The following SMYD2 variants were observed in gnomAD, a reference collection of about 807,000 sequenced individuals.
SMYD2 encodes N-lysine methyltransferase SMYD2.
In SMYD2, 53 loss-of-function variants were observed where a neutral mutation model predicts 59.1. The ratio of observed to expected loss-of-function variants is 0.90; its 90% CI spans 0.72 to 1.13. The LOEUF (loss-of-function observed/expected upper bound fraction) is 1.13, where lower values mean the gene tolerates loss of function less well. Among genes scored for constraint, SMYD2 ranks in the 50% most tolerant of loss-of-function variants. The pLI is 0.00. For synonymous variants in SMYD2, 208 were observed against 198.8 expected, an observed-to-expected ratio of 1.05 and a Z score of -0.39; for missense variants, 494 against 544.7, an observed-to-expected ratio of 0.91 and a Z score of 0.93.
chr1:214,282,611 G>T (rs1049496792), intron 1 of SMYD2, among the ~76,000 whole-genome samples: 2 of 152,118 alleles, frequency 1.3e-5, no homozygotes, highest in African/African-American at 2.4e-5. Context: ...AGACCTGTGT[G>T]CCTCATTCTA....
At chr1:214,310,240 G>A (rs1391211748) in intron 2 of SMYD2, among the ~76,000 whole-genome samples, 2 of 152,184 alleles carry the variant, frequency 1.3e-5, no homozygotes, top group African/African-American at 2.4e-5. Flanking sequence ...ATTTTTGACT[G>A]TGCACGAAAG....
chr1:214,310,230 AT>A (rs1656977938), intron 2 of SMYD2, among the ~76,000 whole-genome samples: 1 of 152,238 alleles, frequency 6.6e-6, no homozygotes. Context: ...ATCTTTAAGC[AT>A]TTTTGACTGT....
intron 1 of SMYD2, among the ~76,000 whole-genome samples, chr1:214,295,657 G>A (rs559127061): frequency 4.6e-5 from 7 of 152,216 alleles, no homozygotes; most frequent in African/African-American, 1.4e-4. Context: ...GGTGCTGAGC[G>A]AAGGTTCAGC....
At chr1:214,319,799 G>A (rs544232767) in intron 5 of SMYD2, among the ~76,000 whole-genome samples, 1 of 152,272 alleles carries the variant, frequency 6.6e-6, no homozygotes, top group South Asian at 2.1e-4. Flanking sequence ...GACCTTCCCA[G>A]GTAGAGAAAT....
intron 1 of SMYD2, among the ~76,000 whole-genome samples, chr1:214,294,658 A>G (rs894140934): frequency 2.0e-5 from 3 of 152,188 alleles, no homozygotes; most frequent in Admixed American, 6.5e-5. Context: ...GTGACAGAGC[A>G]AGACCCTCTC....
intron 1 of SMYD2, among the ~76,000 whole-genome samples, chr1:214,297,551 T>G (rs1656754649): frequency 6.6e-6 from 1 of 152,106 alleles, no homozygotes; most frequent in Non-Finnish European, 1.5e-5. Flanking sequence ...TCATAGGATC[T>G]CTCTCCTCTC....
intron 1 of SMYD2, among the ~76,000 whole-genome samples, chr1:214,290,817 G>C (rs1332052140): frequency 6.6e-6 from 1 of 152,170 alleles, no homozygotes; most frequent in African/African-American, 2.4e-5. Flanking sequence ...TCTGTGTTCT[G>C]TTTAATCTGA....
chr1:214,283,504 A>G (rs1322657352), intron 1 of SMYD2, among the ~76,000 whole-genome samples: 1 of 152,224 alleles, frequency 6.6e-6, no homozygotes, highest in East Asian at 1.9e-4. Flanking sequence ...AATAATATCC[A>G]TGATACTTAT....
intron 5 of SMYD2, among the ~76,000 whole-genome samples, chr1:214,319,708 C>T (rs1657139908): frequency 6.6e-6 from 1 of 151,904 alleles, no homozygotes; most frequent in African/African-American, 2.4e-5. Flanking sequence ...GGTGGCTCTT[C>T]CTGGCCTGAC....
intron 6 of SMYD2, 143 bp downstream of exon 6, chr1:214,324,851 G>C: frequency 1.4e-6 from 1 of 716,296 alleles, no homozygotes; most frequent in South Asian, 2.0e-5. Context: ...TAATCTGCCA[G>C]ATTTCAAAAT....
intron 1 of SMYD2, among the ~76,000 whole-genome samples, chr1:214,299,714 C>A (rs1356715343): frequency 2.0e-5 from 3 of 152,170 alleles, no homozygotes; most frequent in Non-Finnish European, 4.4e-5. Flanking sequence ...TCAAGTAATT[C>A]TCCTGCCTCA....
chr1:214,313,549 T>C (rs1247246055), intron 2 of SMYD2, among the ~76,000 whole-genome samples: 1 of 151,760 alleles, frequency 6.6e-6, no homozygotes, highest in African/African-American at 2.4e-5. Context: ...TTTTCACTAC[T>C]CTAAGCTGTG....
intron 1 of SMYD2, among the ~76,000 whole-genome samples, chr1:214,281,670 C>T (rs1656452534): frequency 6.6e-6 from 1 of 152,214 alleles, no homozygotes; most frequent in South Asian, 2.1e-4. Context: ...TGCACGTTTT[C>T]AGAGTTGCTC....
chr1:214,301,280 G>A (rs1656819394), intron 1 of SMYD2, among the ~76,000 whole-genome samples: 2 of 152,122 alleles, frequency 1.3e-5, no homozygotes, highest in African/African-American at 4.8e-5. Flanking sequence ...AAATGCGGAT[G>A]TTCTTATTTG....
In SMYD2 at chr1:214,283,758, G is replaced by A. The variant is rs571558545; in HGVS notation, c.173+2331G>A. On this transcript the variant is annotated intron_variant, in intron 1 of 11. Coordinates refer to ENST00000366957, the MANE Select transcript of SMYD2 (RefSeq NM_020197.3). ...ACTTACAGGTCAAAATCTGCTGCCT[G>A]CCCCAGCTCCACACACCCAAAAGAA... 9.2e-4 allele frequency among the ~76,000 whole-genome samples: 140 copies of A among 152,166 alleles called. 6 individuals carry two copies. The South Asian group carries it at 0.027, about 30-fold the overall frequency.
intron 1 of SMYD2, among the ~76,000 whole-genome samples, chr1:214,290,324 G>A (rs750511419): frequency 4.6e-5 from 7 of 152,124 alleles, no homozygotes; most frequent in African/African-American, 7.2e-5. Context: ...TAAAAATAGC[G>A]TGGAACTCCT....
At chr1:214,336,610 C>G in intron 11 of SMYD2, 94 bp from the exon 12 acceptor site, 1 of 1,106,890 alleles carries the variant, frequency 9.0e-7, no homozygotes, top group Non-Finnish European at 1.3e-6. Flanking sequence ...CATCCTGTGC[C>G]TTAAAGCAGA....
chr1:214,295,601 A>G (rs1026747999), intron 1 of SMYD2, among the ~76,000 whole-genome samples: 1 of 152,126 alleles, frequency 6.6e-6, no homozygotes, highest in African/African-American at 2.4e-5. Flanking sequence ...CTGCCTCCCC[A>G]AGAGGATGCG....
intron 5 of SMYD2, among the ~76,000 whole-genome samples, chr1:214,322,749 T>G (rs1571931523): frequency 6.6e-6 from 1 of 152,350 alleles, no homozygotes; most frequent in East Asian, 1.9e-4. Context: ...CCACTTATCA[T>G]TTACATATCC....
Sources: gnomAD v4.1 joint callset for allele counts (sites outside exome capture counted in the v4.1 genomes callset) on GRCh38, gnomAD v4.1.1 for gene constraint, MANE v1.5 for transcripts, NCBI Gene and HGNC (gene_info 2026-07-23, HGNC 2026-07-21) for gene names.